The following LYRM4 variants were observed in gnomAD, a reference collection of about 807,000 sequenced individuals.
The protein encoded by LYRM4 is LYR motif containing 4, also known as LYR motif-containing protein 4.
Under a neutral mutation model 11.7 loss-of-function variants are expected in LYRM4, and 9 were observed. The ratio of observed to expected loss-of-function variants is 0.77; its 90% confidence interval spans 0.46 to 1.34. The LOEUF is 1.34. LYRM4 is among the 40% of genes most tolerant of loss of function. The pLI is 0.00. For synonymous variants in LYRM4, 42 were observed against 40.4 expected, an observed-to-expected ratio of 1.04 and a Z score of -0.15; for missense variants, 133 against 112.5, an observed-to-expected ratio of 1.18 and a Z score of -0.82.
the LYRM4 span, chr6:5,085,653 T>C: frequency 3.2e-6 from 5 of 1,548,710 alleles, 1 homozygote; most frequent in South Asian, 3.6e-5. Flanking sequence ...AGCTAGGGGA[T>C]AGGCCCCTGT....
chr6:5,194,758 C>T (rs540214752), intron 2 of LYRM4, among the ~76,000 whole-genome samples: 1 of 152,358 alleles, frequency 6.6e-6, no homozygotes, highest in African/African-American at 2.4e-5. Flanking sequence ...GGGTCTCACT[C>T]TGTTGTCCAG....
chr6:5,243,854 T>G (rs1011373091), intron 1 of LYRM4, among the ~76,000 whole-genome samples: 1 of 152,254 alleles, frequency 6.6e-6, no homozygotes, highest in African/African-American at 2.4e-5. Context: ...GTATCTACAA[T>G]CATATGGTGG....
At chr6:5,168,221 T>C (rs1298221359) in intron 2 of LYRM4, among the ~76,000 whole-genome samples, 2 of 152,092 alleles carry the variant, frequency 1.3e-5, no homozygotes, top group Non-Finnish European at 2.9e-5. Flanking sequence ...CAACCACTCA[T>C]GTAATAAGTA....
At chr6:5,125,938 C>G (rs1348415960) in intron 2 of LYRM4, among the ~76,000 whole-genome samples, 1 of 152,232 alleles carries the variant, frequency 6.6e-6, no homozygotes, top group Non-Finnish European at 1.5e-5. Context: ...GACACTGACT[C>G]TGGGTCTAAC....
chr6:5,173,040 G>A (rs1267588283), intron 2 of LYRM4, among the ~76,000 whole-genome samples: 4 of 152,084 alleles, frequency 2.6e-5, no homozygotes, highest in Non-Finnish European at 5.9e-5. Context: ...TAAAAATACC[G>A]GAAGTATCAT....
intron 2 of LYRM4, chr6:5,113,301 A>G: frequency 2.2e-6 from 1 of 448,928 alleles, no homozygotes; most frequent in Non-Finnish European, 4.5e-6. Context: ...GGCACGCGCC[A>G]ATAATCCCAG....
rs557701612 is a variant in LYRM4, at chr6:5,238,097, A to G, written c.87-21359T>C. 4.6e-5 allele frequency among the ~76,000 whole-genome samples: 7 copies of G among 152,142 alleles called. No individual in the cohort carries two copies. In the East Asian group the frequency reaches 1.2e-3, roughly 25 times the overall value. On this transcript the variant is annotated intron_variant, in intron 1 of 2. Coordinates refer to ENST00000330636, the MANE Select transcript of LYRM4 (RefSeq NM_020408.6). ...TTTTGCTTGGAAACCTCATCCCAGG[A>G]CTTATTTTGGTTTTCCTATTCTTAT...
At chr6:5,068,766 T>C in the LYRM4 span, among the ~76,000 whole-genome samples, 1 of 151,890 alleles carries the variant, frequency 6.6e-6, no homozygotes, top group Non-Finnish European at 1.5e-5. This position sits in a 1 kb window ranked among gnomAD's most constrained non-coding sequence, Gnocchi z 4.0. Flanking sequence ...ACATGTACCC[T>C]AGAACTTAAA....
At chr6:5,071,620 G>A in the LYRM4 span, among the ~76,000 whole-genome samples, 1 of 151,560 alleles carries the variant, frequency 6.6e-6, no homozygotes, top group African/African-American at 2.4e-5. Context: ...GTGTGTGTAT[G>A]TATATATATA....
At position 5,229,003 on chromosome 6, in the gene LYRM4, C is replaced by CAAAAA. The variant is rs70974180; in HGVS notation, c.87-12270_87-12266dup. ...TGGGCGACGGAGCGAGGCTCAGTCT[C>CAAAAA]AAAAAAAAAAAAAAAAAAAAAAAGA... On this transcript the variant is annotated intron_variant, in intron 1 of 2. Transcript: ENST00000330636. Among the ~76,000 whole-genome samples, 199 of 37,968 alleles carry CAAAAA rather than the reference C, an allele frequency of 5.2e-3. 4 individuals are homozygous for CAAAAA. Among genetic ancestry groups the CAAAAA allele is most frequent in the African/African-American group, 0.021 (186 of 8,868 alleles). The allele number at this position is 37,968 out of a possible 152,430, so 24.9% of individuals were successfully genotyped here.
the LYRM4 span, among the ~76,000 whole-genome samples, chr6:5,045,875 C>G: frequency 1.3e-5 from 2 of 152,244 alleles, no homozygotes; most frequent in African/African-American, 4.8e-5. Context: ...CCAGAACGGA[C>G]TTACCTCTAT....
At chr6:5,247,371 G>A (rs1163725283) in intron 1 of LYRM4, among the ~76,000 whole-genome samples, 4 of 152,196 alleles carry the variant, frequency 2.6e-5, no homozygotes, top group Admixed American at 2.6e-4. Context: ...ACTAAGACAG[G>A]AGAATCCATG....
At position 5,216,574 on chromosome 6, in the gene LYRM4, T is replaced by C. The variant is rs531717907; in HGVS notation, c.207+44A>G. 192 of 1,611,634 alleles carry C rather than the reference T, an allele frequency of 1.2e-4. 1 individual carries two copies. In the South Asian group the frequency reaches 1.8e-3, roughly 15 times the overall value. ...CTAATCAAGGGGAATATGTCGAAGT[T>C]TAAAGCTCTTAATGAAAAACAGTAC... On this transcript the variant is annotated intron_variant, in intron 2 of 2. Transcript: ENST00000330636.
chr6:5,109,026 A>G lies in LYRM4; in HGVS notation c.*397T>C, dbSNP rs1441659866. On this transcript the variant is annotated 3_prime_UTR_variant, in exon 3 of 3. Coordinates refer to ENST00000330636, the MANE Select transcript of LYRM4 (RefSeq NM_020408.6). ...CCTCTCCAGGCCTTGTATCAGTAGG[A>G]AATGAAAATGCATTAATTGGGAGGG... The G allele has an allele frequency of 9.9e-7, 1 of 1,010,464 alleles. No homozygotes were observed. Among genetic ancestry groups the G allele is most frequent in the African/African-American group, 1.7e-5 (1 of 58,312 alleles). The allele number at this position is 1,010,464 out of a possible 1,614,324, so 62.6% of individuals were successfully genotyped here.
At chr6:5,053,782 G>GTTTCAAAA in the LYRM4 span, among the ~76,000 whole-genome samples, 4 of 152,232 alleles carry the variant, frequency 2.6e-5, no homozygotes, top group Admixed American at 6.5e-5. Context: ...ATCTCAGCCA[G>GTTTCAAAA]TTTCAAAGAC....
the LYRM4 span, among the ~76,000 whole-genome samples, chr6:5,040,541 GA>G: frequency 2.0e-5 from 3 of 148,458 alleles, no homozygotes; most frequent in South Asian, 2.1e-4. Flanking sequence ...ATCTCTAAAA[GA>G]AAAAAAAAAG....
At chr6:5,152,187 C>T (rs549392245) in intron 2 of LYRM4, among the ~76,000 whole-genome samples, 6 of 152,306 alleles carry the variant, frequency 3.9e-5, no homozygotes, top group East Asian at 1.9e-4. Context: ...AGCAACATGA[C>T]GCTGAGAAGC....
the LYRM4 span, among the ~76,000 whole-genome samples, chr6:5,081,388 G>C: frequency 6.6e-6 from 1 of 152,150 alleles, no homozygotes; most frequent in East Asian, 1.9e-4. Context: ...GAGGCAAGGG[G>C]GAGGACCCGA....
intron 2 of LYRM4, among the ~76,000 whole-genome samples, chr6:5,129,233 G>T (rs1763834784): frequency 2.6e-5 from 4 of 152,188 alleles, no homozygotes; most frequent in African/African-American, 9.7e-5. Context: ...TTCTCCAAAG[G>T]ATTACCCTGT....
Sources: allele counts gnomAD v4.1 joint callset (sites outside exome capture counted in the v4.1 genomes callset), GRCh38; gene constraint gnomAD v4.1.1; non-coding constraint Gnocchi (gnomAD v3.1); transcripts MANE v1.5; gene names NCBI Gene and HGNC (gene_info 2026-07-23, HGNC 2026-07-21).